The following ANO4 variants were observed in gnomAD, a reference collection of about 807,000 sequenced individuals.
ANO4 encodes the protein anoctamin-4.
A neutral mutation model predicts 141.9 loss-of-function variants in ANO4; 69 were observed. That is an observed-to-expected ratio of 0.49 (90% CI 0.40 to 0.59). ANO4 has a LOEUF of 0.59. Among genes scored for constraint, ANO4 ranks in the 20% least tolerant of loss-of-function variants. The pLI is 0.00. For synonymous variants in ANO4, 350 were observed against 394.3 expected (o/e 0.89, Z 1.33); for missense variants, 894 against 1,162.2 (o/e 0.77, Z 3.36).
At chr12:100,953,522 T>C (rs1360741417) in intron 5 of ANO4, among the ~76,000 whole-genome samples, 1 of 152,242 alleles carries the variant, frequency 6.6e-6, no homozygotes, top group African/African-American at 2.4e-5. Context: ...GAGCAGTCTG[T>C]GGTATCTAAT....
intron 1 of ANO4, among the ~76,000 whole-genome samples, chr12:100,829,274 A>G (rs1188187376): frequency 6.6e-6 from 1 of 152,052 alleles, no homozygotes; most frequent in East Asian, 1.9e-4. Flanking sequence ...ATTACTTTTT[A>G]TCTCTCAATC....
intron 22 of ANO4, among the ~76,000 whole-genome samples, chr12:101,106,718 T>G (rs2050461041): frequency 6.6e-6 from 1 of 151,534 alleles, no homozygotes; most frequent in Admixed American, 6.6e-5. Flanking sequence ...TTATTTTATT[T>G]ATAAAAAGAT....
At chr12:100,912,961 T>A (rs2041180811) in intron 2 of ANO4, among the ~76,000 whole-genome samples, 1 of 152,232 alleles carries the variant, frequency 6.6e-6, no homozygotes, top group East Asian at 1.9e-4. Flanking sequence ...GTGGGTTTTT[T>A]TAGATGTGTG....
intron 5 of ANO4, among the ~76,000 whole-genome samples, chr12:100,961,750 T>A (rs970514824): frequency 1.6e-4 from 25 of 152,246 alleles, no homozygotes; most frequent in Non-Finnish European, 1.6e-4. Context: ...GTGTGTACTT[T>A]CCACAGTCAG....
chr12:100,945,066 C>A (rs951715360), intron 5 of ANO4, among the ~76,000 whole-genome samples: 1 of 151,998 alleles, frequency 6.6e-6, no homozygotes, highest in Non-Finnish European at 1.5e-5. Flanking sequence ...CCCTAGGGAC[C>A]CTTGTATATC....
intron 22 of ANO4, among the ~76,000 whole-genome samples, chr12:101,110,116 A>T (rs1239453413): frequency 6.6e-6 from 1 of 152,122 alleles, no homozygotes; most frequent in Non-Finnish European, 1.5e-5. Context: ...TAGCTCTGGA[A>T]TCAAACCATC....
rs530205197 is a variant in ANO4, at chr12:100,739,741, T to C, written c.107-113T>C. ...CCTGTTTATTATGAACATGCATTCT[T>C]AGCTCAAATGGTATTTGGTTTGACT... On this transcript the variant is annotated intron_variant, in intron 2 of 29. Coordinates refer to the ANO4 transcript ENST00000644049. 4 of 645,134 alleles carry C rather than the reference T, an allele frequency of 6.2e-6. No homozygotes were observed. In the East Asian group the frequency reaches 1.1e-4, roughly 18 times the overall value. The allele number at this position is 645,134 out of a possible 1,614,324, so 40.0% of individuals were successfully genotyped here. A position where few individuals can be genotyped will look rare whatever the true frequency, so the allele number is the denominator to read the frequency against.
chr12:100,961,888 T>C (rs1274055044), intron 5 of ANO4, among the ~76,000 whole-genome samples: 1 of 152,164 alleles, frequency 6.6e-6, no homozygotes, highest in African/African-American at 2.4e-5. Flanking sequence ...CAACATAACT[T>C]AGCCCATCCT....
intron 3 of ANO4, among the ~76,000 whole-genome samples, chr12:100,753,582 A>G (rs1482554535): frequency 1.3e-5 from 2 of 152,166 alleles, no homozygotes; most frequent in Non-Finnish European, 2.9e-5. Flanking sequence ...TGCTCTGCCA[A>G]TATCTGAGAT....
At chr12:101,003,012 T>C (rs2045716864) in intron 8 of ANO4, among the ~76,000 whole-genome samples, 1 of 152,182 alleles carries the variant, frequency 6.6e-6, no homozygotes, top group Non-Finnish European at 1.5e-5. Flanking sequence ...CCCACAAACC[T>C]CAGCCCTCTC....
chr12:100,864,010 A>G (rs562839734), intron 1 of ANO4, among the ~76,000 whole-genome samples: 3 of 152,188 alleles, frequency 2.0e-5, no homozygotes, highest in South Asian at 4.2e-4. Flanking sequence ...AATTATTCCA[A>G]TCTGTTTTCC....
intron 14 of ANO4, 72 bp downstream of exon 14, chr12:101,048,473 CTTTGG>C: frequency 7.3e-7 from 1 of 1,364,594 alleles, no homozygotes; most frequent in Non-Finnish European, 1.0e-6. Context: ...AGAAGTTTCA[CTTTGG>C]ATGTGAAAGA....
chr12:100,724,935 T>C (rs2031041949), intron 1 of ANO4, among the ~76,000 whole-genome samples: 1 of 152,240 alleles, frequency 6.6e-6, no homozygotes, highest in Non-Finnish European at 1.5e-5. Flanking sequence ...ACTAGTCGGT[T>C]CTTTAGAACC....
chr12:100,994,898 A>T (rs908767120), intron 8 of ANO4, among the ~76,000 whole-genome samples: 2 of 151,986 alleles, frequency 1.3e-5, no homozygotes, highest in Admixed American at 1.3e-4. Flanking sequence ...CGTCTAGAAA[A>T]ATTTTTGGTT....
chr12:100,727,551 G>T (rs2031184635), intron 1 of ANO4, among the ~76,000 whole-genome samples: 1 of 151,914 alleles, frequency 6.6e-6, no homozygotes, highest in Non-Finnish European at 1.5e-5. Flanking sequence ...TTCAACATTT[G>T]TGTCCTTAGG....
chr12:100,835,377 G>A (rs1272254000), intron 1 of ANO4, among the ~76,000 whole-genome samples: 1 of 152,144 alleles, frequency 6.6e-6, no homozygotes, highest in Non-Finnish European at 1.5e-5. Flanking sequence ...GACAGAGGAG[G>A]CTTAGGGAAA....
chr12:100,726,210 A>C (rs1411550319), intron 1 of ANO4, among the ~76,000 whole-genome samples: 1 of 151,864 alleles, frequency 6.6e-6, no homozygotes, highest in African/African-American at 2.4e-5. Context: ...TGGGCATTTT[A>C]TTGTATCTGT....
In ANO4 at chr12:100,889,379, C is replaced by G. The variant is rs964250840; in HGVS notation, c.-140-12267C>G. ...TCTTTATAGCAGCATGATTTATAGT[C>G]CTTTGGGTATATACCCAGTAATGGG... On this transcript the variant is annotated intron_variant, in intron 1 of 27. Coordinates refer to ENST00000392977, the MANE Select transcript of ANO4 (RefSeq NM_001286615.2). 3.9e-5 allele frequency among the ~76,000 whole-genome samples: 6 copies of G among 152,152 alleles called. No individual in the cohort carries two copies. In the South Asian group the frequency reaches 1.2e-3, roughly 32 times the overall value.
chr12:101,127,601 TG>T (rs1456171510), intron 27 of ANO4, among the ~76,000 whole-genome samples: 1 of 152,222 alleles, frequency 6.6e-6, no homozygotes, highest in African/African-American at 2.4e-5. Context: ...TTCTAATTTT[TG>T]CTTGAAAGCA....
Sources: allele counts gnomAD v4.1 joint callset (sites outside exome capture counted in the v4.1 genomes callset), GRCh38; gene constraint gnomAD v4.1.1; transcripts MANE v1.5; gene names NCBI Gene and HGNC (gene_info 2026-07-23, HGNC 2026-07-21).